The following RPRD1B variants were observed in gnomAD, a reference collection of about 807,000 sequenced individuals.
RPRD1B encodes the protein regulation of nuclear pre-mRNA domain-containing protein 1B.
RPRD1B carries 11 observed loss-of-function variants against 41.5 expected under a neutral mutation model. The observed-to-expected ratio is 0.27, with a 90% CI of 0.17 to 0.44. RPRD1B has a LOEUF of 0.44. Among genes scored for constraint, RPRD1B ranks in the 20% least tolerant of loss-of-function variants. The pLI is 1.00. For synonymous variants in RPRD1B, 158 were observed against 155.6 expected, an observed-to-expected ratio of 1.02 and a Z score of -0.12; for missense variants, 248 against 389.9, an observed-to-expected ratio of 0.64 and a Z score of 3.06.
rs929639411 is a variant in RPRD1B at position 38,090,433 on chromosome 20, C to T, written c.*558C>T. The stretch of plus-strand genomic sequence containing the variant: ...TGATCCTCCCTTTCCATTGCTTCTC[C>T]TAGTGATGCACGAAGATTAGGTGCA... On this transcript the variant is annotated 3_prime_UTR_variant, in exon 7 of 7. Coordinates refer to ENST00000373433, the MANE Select transcript of RPRD1B (RefSeq NM_021215.4). 8.5e-5 allele frequency: 84 copies of T among 985,992 alleles called. No individual in the cohort carries two copies. The highest frequency in any genetic ancestry group is 1.0e-4 in the Non-Finnish European group (83 of 830,044). The allele number at this position is 985,992 out of a possible 1,614,324, so 61.1% of individuals were successfully genotyped here.
chr20:38,083,104 C>T (rs2074529621), intron 6 of RPRD1B, among the ~76,000 whole-genome samples: 1 of 152,046 alleles, frequency 6.6e-6, no homozygotes, highest in Non-Finnish European at 1.5e-5. Flanking sequence ...TTTGTTTGCA[C>T]AAAAATCAAT....
intron 3 of RPRD1B, among the ~76,000 whole-genome samples, chr20:38,052,578 A>G (rs2074196392): frequency 6.6e-6 from 1 of 152,142 alleles, no homozygotes; most frequent in African/African-American, 2.4e-5. Context: ...GTTGCAAACA[A>G]TATTTCCTGA....
chr20:38,048,250 T>C, intron 2 of RPRD1B, 98 bp from the exon 3 acceptor site: 1 of 1,243,242 alleles, frequency 8.0e-7, no homozygotes, highest in Non-Finnish European at 1.1e-6. Context: ...GTAAATCATT[T>C]AGTCAGTTGT....
Position 38,091,249 on chromosome 20 carries a change from G to A in RPRD1B, c.*1374G>A. ...AAAGGAATTCAGTGGAGGGGGCTTT[G>A]TAATCTCCATTAATTTGTGTTGCTA... On this transcript the variant is annotated 3_prime_UTR_variant, in exon 7 of 7. Transcript: ENST00000373433. The A allele has an allele frequency of 1.0e-6, 1 of 985,800 alleles. No homozygotes were observed. Among genetic ancestry groups the A allele is most frequent in the Non-Finnish European group, 1.2e-6 (1 of 829,910 alleles). The allele number at this position is 985,800 out of a possible 1,614,324, so 61.1% of individuals were successfully genotyped here.
Position 38,091,618 on chromosome 20 carries a change from C to T in RPRD1B, c.*1743C>T. ...TAAATTGTAATCTTTGCTGCTGCTG[C>T]ACTCCCCAACCTCTCCCCCACCCCC... is the stretch of plus-strand genomic sequence containing the variant. On this transcript the variant is annotated 3_prime_UTR_variant, in exon 7 of 7. Transcript: ENST00000373433. 1.0e-6 allele frequency: 1 copy of T among 985,636 alleles called. No homozygotes were observed. Among genetic ancestry groups the T allele is most frequent in the Non-Finnish European group, 1.2e-6 (1 of 830,102 alleles). 61.1% of individuals were successfully genotyped at this position (985,636 alleles called of 1,614,324 possible). A position where few individuals can be genotyped will look rare whatever the true frequency, so the allele number is the denominator to read the frequency against.
intron 2 of RPRD1B, among the ~76,000 whole-genome samples, chr20:38,042,627 T>C (rs2074078209): frequency 6.6e-6 from 1 of 152,196 alleles, no homozygotes; most frequent in African/African-American, 2.4e-5. Context: ...ACATTCAGGA[T>C]ACCCATGTTT....
At chr20:38,074,377 T>A (rs911587290) in intron 6 of RPRD1B, among the ~76,000 whole-genome samples, 2 of 152,214 alleles carry the variant, frequency 1.3e-5, no homozygotes, top group African/African-American at 4.8e-5. Context: ...CCTATGATAC[T>A]TATTTTTCAC....
chr20:38,035,431 G>A (rs1457877348), intron 1 of RPRD1B, among the ~76,000 whole-genome samples: 1 of 152,204 alleles, frequency 6.6e-6, no homozygotes, highest in African/African-American at 2.4e-5. Flanking sequence ...TGGCTAAGTG[G>A]TATTTTCAAG....
chr20:38,062,528 A>T (rs554196496), intron 5 of RPRD1B, among the ~76,000 whole-genome samples: 8 of 152,138 alleles, frequency 5.3e-5, no homozygotes, highest in African/African-American at 1.9e-4. Flanking sequence ...TGTTTCACTC[A>T]TGGTCTTCTC....
chr20:38,038,503 T>TTG lies in RPRD1B; in HGVS notation c.152-1931_152-1930insGT. ...TTTTTTTGTTTTGTTTTTTTTTTTT[T>TTG]TTTTTTTTTTTGAGACAGAGTCTTG... On this transcript the variant is annotated intron_variant, in intron 1 of 6. Transcript: ENST00000373433. Among the ~76,000 whole-genome samples, 2 of 141,576 alleles carry TTG rather than the reference T, an allele frequency of 1.4e-5. 1 individual carries two copies. The highest frequency in any genetic ancestry group is 5.2e-5 in the African/African-American group (2 of 38,292). 92.9% of individuals were successfully genotyped at this position (141,576 alleles called of 152,430 possible).
rs1395839930 is a variant in RPRD1B, at chr20:38,033,918, C to G, written c.-30C>G. The G allele has an allele frequency of 2.5e-6, 4 of 1,587,838 alleles. No homozygotes were observed. In the African/African-American group the frequency reaches 4.0e-5, roughly 16 times the overall value. On this transcript the variant is annotated 5_prime_UTR_variant, in exon 1 of 7. Transcript: ENST00000373433. ...TCCCGCCGCACTGGGCGGCCCAGGC[C>G]GCTCCCTGCCGGGCCTCACTGCCGC...
intron 2 of RPRD1B, among the ~76,000 whole-genome samples, chr20:38,048,122 T>G (rs933385078): frequency 1.3e-5 from 2 of 152,238 alleles, no homozygotes; most frequent in Non-Finnish European, 2.9e-5. Context: ...CCATTGACTT[T>G]TGGTCCTATT....
At chr20:38,040,896 A>G (rs970289451) in intron 2 of RPRD1B, among the ~76,000 whole-genome samples, 1 of 152,250 alleles carries the variant, frequency 6.6e-6, no homozygotes, top group African/African-American at 2.4e-5. Flanking sequence ...GCTAACTAGT[A>G]AGGGAACCTT....
chr20:38,091,424 G>GT lies in RPRD1B; in HGVS notation c.*1552dup, dbSNP rs2074610810. On this transcript the variant is annotated 3_prime_UTR_variant, in exon 7 of 7. Transcript: ENST00000373433. ...AATGAAAAGTCATAGCAGATACTCA[G>GT]TTTAACTCTGTGTAGAACCTAGTAG... 3 of 985,284 alleles carry GT rather than the reference G, an allele frequency of 3.0e-6. No homozygotes were observed. In the South Asian group the frequency reaches 1.4e-4, roughly 46 times the overall value. The allele number at this position is 985,284 out of a possible 1,614,324, so 61.0% of individuals were successfully genotyped here. A position where few individuals can be genotyped will look rare whatever the true frequency, so the allele number is the denominator to read the frequency against.
At chr20:38,069,185 G>A (rs566660917) in intron 6 of RPRD1B, among the ~76,000 whole-genome samples, 1 of 152,132 alleles carries the variant, frequency 6.6e-6, no homozygotes, top group Non-Finnish European at 1.5e-5. Flanking sequence ...TATGTCGGTG[G>A]CTCCTGCATG....
rs573116045 is a variant in RPRD1B at position 38,071,135 on chromosome 20, C to G, written c.831+4879C>G. Among the ~76,000 whole-genome samples the G allele has an allele frequency of 9.8e-4, 150 of 152,320 alleles. 1 individual carries two copies. The highest frequency in any genetic ancestry group is 3.4e-3 in the African/African-American group (143 of 41,572). ...CCACATGCCACATGGTGCACACACA[C>G]AAAGATGATATGCCACACAGGGAAG... On this transcript the variant is annotated intron_variant, in intron 6 of 6. Coordinates refer to ENST00000373433, the MANE Select transcript of RPRD1B (RefSeq NM_021215.4).
intron 2 of RPRD1B, among the ~76,000 whole-genome samples, chr20:38,048,040 C>T (rs1429408661): frequency 6.6e-6 from 1 of 151,728 alleles, no homozygotes; most frequent in African/African-American, 2.4e-5. Flanking sequence ...TTTTAATTAA[C>T]GTCTTCTTAA....
intron 2 of RPRD1B, 80 bp downstream of exon 2, chr20:38,040,644 C>T: frequency 6.9e-7 from 1 of 1,456,362 alleles, no homozygotes; most frequent in Non-Finnish European, 9.2e-7. Flanking sequence ...CTGTGATAGC[C>T]TTTGTAAATT....
At position 38,090,619 on chromosome 20, in the gene RPRD1B, CT is replaced by C. The variant is rs1193524955; in HGVS notation, c.*745del. 2.0e-6 allele frequency: 2 copies of C among 985,382 alleles called. No homozygotes were observed. Among genetic ancestry groups the C allele is most frequent in the Admixed American group, 6.1e-5 (1 of 16,270 alleles). The allele number at this position is 985,382 out of a possible 1,614,324, so 61.0% of individuals were successfully genotyped here. A position where few individuals can be genotyped will look rare whatever the true frequency, so the allele number is the denominator to read the frequency against. The stretch of plus-strand genomic sequence containing the variant: ...GATACAACCTTCCCATGCTGCACTT[CT>C]CCACTGTCGGAGCACGTTCCGAAAA... On this transcript the variant is annotated 3_prime_UTR_variant, in exon 7 of 7. Coordinates refer to ENST00000373433, the MANE Select transcript of RPRD1B (RefSeq NM_021215.4).
Sources: gnomAD v4.1 joint callset for allele counts (sites outside exome capture counted in the v4.1 genomes callset) on GRCh38, gnomAD v4.1.1 for gene constraint, MANE v1.5 for transcripts, NCBI Gene and HGNC (gene_info 2026-07-23, HGNC 2026-07-21) for gene names.